AKR1C3: variants seen among roughly 807,000 people sequenced by gnomAD.
AKR1C3 encodes the protein aldo-keto reductase family 1 member C3.
A neutral mutation model predicts 43.6 loss-of-function variants in AKR1C3; 48 were observed. That is an observed-to-expected ratio of 1.10 (90% CI 0.87 to 1.40). The LOEUF is 1.40. AKR1C3 is among the 40% of genes most tolerant of loss of function. The pLI, the probability that AKR1C3 is intolerant of heterozygous loss-of-function variation, is 0.00. For synonymous variants in AKR1C3, 162 were observed against 139.6 expected (o/e 1.16, Z -1.13); for missense variants, 482 against 391.2 (o/e 1.23, Z -1.96).
chr10:5,074,713 G>T (rs1340051802), intron 1 of AKR1C3, among the ~76,000 whole-genome samples: 1 of 152,128 alleles, frequency 6.6e-6, no homozygotes, highest in Non-Finnish European at 1.5e-5. Context: ...AAATAAGATG[G>T]CTACAAGATG....
chr10:5,056,171 T>C (rs1554779549), intron 1 of AKR1C3, among the ~76,000 whole-genome samples: 1 of 152,118 alleles, frequency 6.6e-6, no homozygotes, highest in South Asian at 2.1e-4. Flanking sequence ...AGAAGTGGCC[T>C]AGATCTTGGG....
At chr10:5,099,555 G>T in intron 5 of AKR1C3, 106 bp downstream of exon 5, 1 of 1,554,538 alleles carries the variant, frequency 6.4e-7, no homozygotes, top group Non-Finnish European at 8.7e-7. Flanking sequence ...TGAAGTAGAA[G>T]ATTATCTAGA....
intron 1 of AKR1C3, among the ~76,000 whole-genome samples, chr10:5,076,317 G>T (rs1243622108): frequency 2.6e-5 from 4 of 152,106 alleles, no homozygotes; most frequent in African/African-American, 9.7e-5. Context: ...TGAGGGATTT[G>T]CCTCATTCAT....
At chr10:5,097,926 C>T in intron 3 of AKR1C3, 1 of 1,047,778 alleles carries the variant, frequency 9.5e-7, no homozygotes, top group Non-Finnish European at 1.1e-6. Context: ...CAATGAGTTT[C>T]CACCATCTCT....
At chr10:5,106,394 C>G (rs1180381794) in intron 8 of AKR1C3, among the ~76,000 whole-genome samples, 3 of 152,148 alleles carry the variant, frequency 2.0e-5, no homozygotes, top group African/African-American at 7.2e-5. Flanking sequence ...AAGATCTTTA[C>G]TATTCCTTCA....
At chr10:5,089,473 G>A (rs1554783775), upstream of AKR1C3, among the ~76,000 whole-genome samples, 1 of 151,892 alleles carries the variant, frequency 6.6e-6, no homozygotes, top group East Asian at 1.9e-4. Flanking sequence ...TTTCTGACTG[G>A]ATTAATTTGA....
intron 5 of AKR1C3, 43 bp from the exon 6 acceptor site, chr10:5,102,058 T>C: frequency 8.3e-7 from 1 of 1,202,648 alleles, no homozygotes; most frequent in Non-Finnish European, 1.2e-6. Flanking sequence ...TTAACATAAC[T>C]ATTTCATATA....
intron 1 of AKR1C3, among the ~76,000 whole-genome samples, chr10:5,065,718 G>A (rs1313700513): frequency 6.6e-6 from 1 of 152,164 alleles, no homozygotes; most frequent in Non-Finnish European, 1.5e-5. Flanking sequence ...AGAGGACAAA[G>A]TAAGGTTACG....
At chr10:5,063,719 C>T (rs551211502) in intron 1 of AKR1C3, among the ~76,000 whole-genome samples, 7 of 125,660 alleles carry the variant, frequency 5.6e-5, no homozygotes, top group South Asian at 5.4e-4. Context: ...GCCAAGACTG[C>T]GCCACTGCAA....
upstream of AKR1C3, among the ~76,000 whole-genome samples, chr10:5,092,193 ATG>A (rs1461141375): frequency 6.6e-6 from 1 of 152,080 alleles, no homozygotes; most frequent in Non-Finnish European, 1.5e-5. Flanking sequence ...ATACAGAGTT[ATG>A]TTTCTCCTGC....
chr10:5,061,531 A>G (rs1369486785), intron 1 of AKR1C3, among the ~76,000 whole-genome samples: 3 of 152,176 alleles, frequency 2.0e-5, no homozygotes, highest in Non-Finnish European at 2.9e-5. Context: ...GTTTAGAAGG[A>G]GGGGGTTGAG....
intron 1 of AKR1C3, among the ~76,000 whole-genome samples, chr10:5,065,006 A>T (rs1053222196): frequency 5.9e-5 from 9 of 152,012 alleles, no homozygotes; most frequent in Admixed American, 4.6e-4. Context: ...AAGCATATGA[A>T]AAAAATGTTC....
chr10:5,104,419 ACAAAT>A (rs1839445601), intron 7 of AKR1C3, among the ~76,000 whole-genome samples: 2 of 152,158 alleles, frequency 1.3e-5, no homozygotes, highest in Non-Finnish European at 2.9e-5. Flanking sequence ...ACATTCATTC[ACAAAT>A]AATATTCTTG....
rs587656523 is a variant in AKR1C3, at chr10:5,107,353, A to G, written c.930-108A>G. ...GGTAAGAAAGGCAGATTCTACAACT[A>G]GTCAGACAACTTAACATTCATACTA... On this transcript the variant is annotated intron_variant, in intron 8 of 8. Transcript: ENST00000380554. 9 of 772,306 alleles carry G rather than the reference A, an allele frequency of 1.2e-5. No homozygotes were observed. The South Asian group carries it at 1.4e-4, about 12-fold the overall frequency. The allele number at this position is 772,306 out of a possible 1,614,324, so 47.8% of individuals were successfully genotyped here. A position where few individuals can be genotyped will look rare whatever the true frequency, so the allele number is the denominator to read the frequency against.
intron 8 of AKR1C3, 50 bp from the exon 9 acceptor site, chr10:5,107,411 C>T (rs1554787500): frequency 2.3e-6 from 3 of 1,283,634 alleles, no homozygotes; most frequent in Non-Finnish European, 3.4e-6. Flanking sequence ...TTTACTACTC[C>T]CCTAGTAATG....
At chr10:5,070,811 T>C (rs531734941) in intron 1 of AKR1C3, among the ~76,000 whole-genome samples, 14 of 152,308 alleles carry the variant, frequency 9.2e-5, no homozygotes, top group Non-Finnish European at 1.6e-4. Context: ...CTGCACTTGA[T>C]CTTGAGCTTC....
At chr10:5,054,984 A>C (rs187573651) in intron 1 of AKR1C3, among the ~76,000 whole-genome samples, 2 of 152,344 alleles carry the variant, frequency 1.3e-5, no homozygotes, top group African/African-American at 4.8e-5. Context: ...AGAGGTTAGG[A>C]ACTCCCTTTC....
intron 1 of AKR1C3, among the ~76,000 whole-genome samples, chr10:5,053,355 C>T (rs10904403): frequency 0.31 from 47,680 of 152,134 alleles, 7,666 homozygotes; most frequent in East Asian, 0.41. Context: ...GTGCTAAGCC[C>T]CTCACTGCCC....
intron 1 of AKR1C3, among the ~76,000 whole-genome samples, chr10:5,051,834 C>G (rs975520744): frequency 1.3e-5 from 2 of 152,182 alleles, no homozygotes; most frequent in African/African-American, 4.8e-5. Flanking sequence ...AAGGGAAAGA[C>G]AATAAATTTG....
Sources: allele counts gnomAD v4.1 joint callset (sites outside exome capture counted in the v4.1 genomes callset), GRCh38; gene constraint gnomAD v4.1.1; transcripts MANE v1.5; gene names NCBI Gene and HGNC (gene_info 2026-07-23, HGNC 2026-07-21).